Variants in DPP6 observed in about 807,000 individuals in gnomAD.
DPP6 encodes dipeptidyl peptidase like 6, also known as A-type potassium channel modulatory protein DPP6.
A neutral mutation model predicts 122.6 loss-of-function variants in DPP6; 69 were observed. The ratio of observed to expected loss-of-function variants is 0.56; its 90% CI spans 0.46 to 0.69. The LOEUF is 0.69. Ranked by LOEUF, DPP6 falls within the 30% of genes least tolerant of loss-of-function variation. DPP6 has a pLI of 0.00. For missense variants in DPP6, 928 were observed against 1,116.9 expected (o/e 0.83, Z 2.41); for synonymous variants, 418 against 433.1 (o/e 0.97, Z 0.43).
At chr7:154,054,399 T>C (rs1167812147) in intron 1 of DPP6, among the ~76,000 whole-genome samples, 1 of 151,924 alleles carries the variant, frequency 6.6e-6, no homozygotes, top group East Asian at 1.9e-4. Flanking sequence ...TTGCTGTTGT[T>C]ATTGGTAGTT....
chr7:154,147,476 TC>T, intron 1 of DPP6, among the ~76,000 whole-genome samples: 1,066 of 139,768 alleles, frequency 7.6e-3, no homozygotes, highest in African/African-American at 0.031. Flanking sequence ...CTTCCTTCCT[TC>T]CTTCCTTCCT....
intron 3 of DPP6, among the ~76,000 whole-genome samples, chr7:154,526,774 G>A (rs550711473): frequency 1.3e-5 from 2 of 152,214 alleles, no homozygotes; most frequent in Admixed American, 1.3e-4. Flanking sequence ...AGAGCCAAAG[G>A]AAAAATCACT....
chr7:154,676,879 G>A (rs533193116), intron 7 of DPP6, among the ~76,000 whole-genome samples: 7 of 152,222 alleles, frequency 4.6e-5, no homozygotes, highest in Non-Finnish European at 1.0e-4. Context: ...TTACATCTCT[G>A]TGAGAACTTG....
At chr7:153,917,612 C>T (rs979170773) in intron 1 of DPP6, among the ~76,000 whole-genome samples, 2 of 152,138 alleles carry the variant, frequency 1.3e-5, no homozygotes, top group Non-Finnish European at 2.9e-5. Flanking sequence ...TGAAAGTGGT[C>T]TGAAGGCTCT....
At chr7:154,541,431 G>A (rs1828720329) in intron 4 of DPP6, among the ~76,000 whole-genome samples, 1 of 152,292 alleles carries the variant, frequency 6.6e-6, no homozygotes, top group African/African-American at 2.4e-5. Context: ...CACTGTACTC[G>A]ACCCCAAAGA....
intron 25 of DPP6, chr7:154,889,881 CTG>C: frequency 3.6e-6 from 1 of 280,882 alleles, no homozygotes; most frequent in Non-Finnish European, 6.7e-6. Context: ...GAGAGTGGGA[CTG>C]TTGTTCTGGG....
At chr7:154,471,000 C>T (rs2151337595) in intron 2 of DPP6, among the ~76,000 whole-genome samples, 1 of 152,266 alleles carries the variant, frequency 6.6e-6, no homozygotes, top group Admixed American at 6.5e-5. Context: ...CCTGTAATCC[C>T]AGCACTTTGG....
At chr7:153,864,697 A>G in the DPP6 span, among the ~76,000 whole-genome samples, 609 of 151,154 alleles carry the variant, frequency 4.0e-3, 5 homozygotes, top group Non-Finnish European at 6.8e-3. Flanking sequence ...ACACACACAC[A>G]CACACACACA....
upstream of DPP6, among the ~76,000 whole-genome samples, chr7:154,049,304 T>TTGTGTGTG (rs66669803): frequency 1.6e-4 from 20 of 122,026 alleles, no homozygotes; most frequent in African/African-American, 6.0e-4. Context: ...TTTTCCTTGT[T>TTGTGTGTG]TGTGTGTGTG....
intron 2 of DPP6, among the ~76,000 whole-genome samples, chr7:154,449,428 G>A (rs2151294940): frequency 6.6e-6 from 1 of 152,064 alleles, no homozygotes; most frequent in South Asian, 2.1e-4. Context: ...AACAAAAAAT[G>A]GAAAATAGTA....
chr7:154,482,666 C>T (rs148492044), intron 3 of DPP6, among the ~76,000 whole-genome samples: 15 of 152,252 alleles, frequency 9.9e-5, no homozygotes, highest in Non-Finnish European at 1.6e-4. Context: ...AAGTATACAT[C>T]GTCATTATCT....
chr7:154,404,404 T>C (rs928369886), intron 1 of DPP6, among the ~76,000 whole-genome samples: 1 of 152,202 alleles, frequency 6.6e-6, no homozygotes, highest in African/African-American at 2.4e-5. Flanking sequence ...AACATTAGAC[T>C]TTATAAAATA....
At chr7:154,448,983 G>A (rs1820124676) in intron 2 of DPP6, among the ~76,000 whole-genome samples, 1 of 152,044 alleles carries the variant, frequency 6.6e-6, no homozygotes, top group African/African-American at 2.4e-5. Flanking sequence ...GAAAACATAG[G>A]GATAAATCTT....
At chr7:154,475,252 T>C (rs952500399) in intron 3 of DPP6, 33 of 526,982 alleles carry the variant, frequency 6.3e-5, no homozygotes, top group Non-Finnish European at 1.1e-4. Flanking sequence ...CTCCCGAGCA[T>C]CCACACAGCC....
intron 1 of DPP6, among the ~76,000 whole-genome samples, chr7:154,255,234 T>C (rs1028235182): frequency 6.6e-6 from 1 of 152,152 alleles, no homozygotes; most frequent in African/African-American, 2.4e-5. Context: ...TGCCTGCCTC[T>C]GTGTCAAGAA....
intron 10 of DPP6, among the ~76,000 whole-genome samples, chr7:154,775,992 C>G (rs928546287): frequency 6.6e-6 from 1 of 152,090 alleles, no homozygotes; most frequent in Admixed American, 6.5e-5. Flanking sequence ...GCCTGCAACC[C>G]CCCGCCGTTC....
intron 5 of DPP6, chr7:154,587,336 AT>A: frequency 2.5e-6 from 1 of 400,866 alleles, no homozygotes; most frequent in Non-Finnish European, 4.5e-6. Flanking sequence ...TTAGAACCTT[AT>A]TCCTCCCCCC....
the DPP6 span, among the ~76,000 whole-genome samples, chr7:153,816,735 C>T: frequency 3.3e-5 from 5 of 152,002 alleles, no homozygotes; most frequent in Non-Finnish European, 5.9e-5. Context: ...TGGCTCAGAG[C>T]ACAGGTGAGA....
intron 1 of DPP6, among the ~76,000 whole-genome samples, chr7:154,195,846 C>G (rs1007795881): frequency 1.3e-5 from 2 of 152,160 alleles, no homozygotes; most frequent in Non-Finnish European, 2.9e-5. Context: ...CCTTGCACTC[C>G]CTGCCATCTT....
Sources: allele counts gnomAD v4.1 joint callset (sites outside exome capture counted in the v4.1 genomes callset), GRCh38; gene constraint gnomAD v4.1.1; transcripts MANE v1.5; gene names NCBI Gene and HGNC (gene_info 2026-07-23, HGNC 2026-07-21).